ACACA: variants seen among roughly 807,000 people sequenced by gnomAD.
ACACA encodes the protein acetyl-CoA carboxylase alpha.
In ACACA, 103 loss-of-function variants were observed where a neutral mutation model predicts 296.1. The ratio of observed to expected loss-of-function variants is 0.35; its 90% confidence interval spans 0.30 to 0.41. The LOEUF (loss-of-function observed/expected upper bound fraction) is 0.41. Ranked by LOEUF, ACACA falls within the 10% of genes least tolerant of loss-of-function variation. The probability of loss-of-function intolerance (pLI) is 1.00; values close to 1 mark genes in which losing one functional copy is unlikely to be tolerated. For missense variants in ACACA, 1,554 were observed against 2,989.7 expected (o/e 0.52, Z 11.20); for synonymous variants, 953 against 1,038.6 (o/e 0.92, Z 1.58).
At position 37,406,181 on chromosome 17, in the gene ACACA, T is replaced by C. The variant is rs1369328932; in HGVS notation, c.38+81A>G. On this transcript the variant is annotated intron_variant, in intron 1 of 55. Coordinates refer to ENST00000616317, the MANE Select transcript of ACACA (RefSeq NM_198834.3). ...TATGTGTAACCTGCTTTGTGCAATG[T>C]CTGGCATGCAATAAGTACTCGACAA... 4 of 1,497,268 alleles carry C rather than the reference T, an allele frequency of 2.7e-6. No homozygotes were observed. In the African/African-American group the frequency reaches 4.1e-5, roughly 15 times the overall value. 92.7% of individuals were successfully genotyped at this position (1,497,268 alleles called of 1,614,324 possible). A position where few individuals can be genotyped will look rare whatever the true frequency, so the allele number is the denominator to read the frequency against.
At chr17:37,266,456 G>C (rs2081781848) in intron 10 of ACACA, among the ~76,000 whole-genome samples, 1 of 149,192 alleles carries the variant, frequency 6.7e-6, no homozygotes, top group Admixed American at 6.7e-5. Flanking sequence ...CATGTTTCCA[G>C]CTGAAAGCAT....
intron 39 of ACACA, among the ~76,000 whole-genome samples, chr17:37,186,054 GAA>G (rs1403764686): frequency 4.6e-5 from 7 of 152,158 alleles, no homozygotes; most frequent in Non-Finnish European, 8.8e-5. Context: ...CTTATTGGCA[GAA>G]TGAATAAATG....
At chr17:37,109,753 G>A (rs1187211592) in intron 52 of ACACA, among the ~76,000 whole-genome samples, 2 of 152,190 alleles carry the variant, frequency 1.3e-5, no homozygotes, top group African/African-American at 2.4e-5. Flanking sequence ...AGAGAAAGAA[G>A]CTTTATCTCC....
At position 37,086,391 on chromosome 17, in the gene ACACA, T is replaced by G. The variant is rs2072201261; in HGVS notation, c.*925A>C. The G allele has an allele frequency of 6.6e-6, 1 of 152,262 alleles. No homozygotes were observed. The allele number at this position is 152,262 out of a possible 1,614,324, so 9.4% of individuals were successfully genotyped here. A position where few individuals can be genotyped will look rare whatever the true frequency, so the allele number is the denominator to read the frequency against. On this transcript the variant is annotated 3_prime_UTR_variant, in exon 56 of 56. Transcript: ENST00000616317. ...GTCCTCAAAACAAACAGACTATCTA[T>G]CTATCTCACTGGCTCTCCACATGGC... is the stretch of plus-strand genomic sequence containing the variant.
chr17:37,188,669 A>C (rs889698230), intron 38 of ACACA, among the ~76,000 whole-genome samples, 189 bp from the exon 39 acceptor site: 1 of 152,108 alleles, frequency 6.6e-6, no homozygotes, highest in South Asian at 2.1e-4. Context: ...GTCAGGGACA[A>C]TTTCATGCTG....
intron 1 of ACACA, among the ~76,000 whole-genome samples, chr17:37,404,684 C>A (rs867119818): frequency 6.6e-6 from 1 of 151,062 alleles, no homozygotes; most frequent in Non-Finnish European, 1.5e-5. Context: ...AAGTGATTCT[C>A]CTACCTCAGC....
chr17:37,263,570 T>G (rs954268843), intron 11 of ACACA, 115 bp downstream of exon 11: 1 of 917,990 alleles, frequency 1.1e-6, no homozygotes, highest in Non-Finnish European at 1.7e-6. Flanking sequence ...GGATATAATT[T>G]TATTAATTAT....
intron 1 of ACACA, chr17:37,376,031 C>A: frequency 7.1e-7 from 1 of 1,411,926 alleles, no homozygotes; most frequent in Non-Finnish European, 1.0e-6. Context: ...AGAGGCAGAG[C>A]TATCAAGGGC....
At chr17:37,096,442 C>T (rs2072997935) in intron 54 of ACACA, among the ~76,000 whole-genome samples, 1 of 152,156 alleles carries the variant, frequency 6.6e-6, no homozygotes, top group Non-Finnish European at 1.5e-5. Flanking sequence ...GAACATTCCT[C>T]CTAAGCCCTG....
At chr17:37,273,699 G>T (rs549857430) in intron 9 of ACACA, among the ~76,000 whole-genome samples, 251 of 152,320 alleles carry the variant, frequency 1.6e-3, no homozygotes, top group Non-Finnish European at 3.2e-3. Context: ...CTTAACTCTG[G>T]TGTTTAGTTT....
At chr17:37,265,390 A>T (rs2081715125) in intron 10 of ACACA, among the ~76,000 whole-genome samples, 1 of 152,130 alleles carries the variant, frequency 6.6e-6, no homozygotes, top group Non-Finnish European at 1.5e-5. Flanking sequence ...CAAGACCCCC[A>T]AAGTCTCATC....
intron 45 of ACACA, among the ~76,000 whole-genome samples, chr17:37,131,539 G>A (rs1483066289): frequency 1.3e-5 from 2 of 152,014 alleles, no homozygotes; most frequent in East Asian, 3.9e-4. Flanking sequence ...AATTTCTTCC[G>A]TACGTGTATT....
chr17:37,192,324 G>GA lies in ACACA; in HGVS notation c.4201-20dup, dbSNP rs756186747. 2 of 1,609,978 alleles carry GA rather than the reference G, an allele frequency of 1.2e-6. No individual in the cohort carries two copies. The highest frequency in any genetic ancestry group is 2.2e-5 in the East Asian group (1 of 44,834). On this transcript the variant is annotated intron_variant, in intron 36 of 55. Transcript: ENST00000616317. ...CCTCAAACTGAGTACAAGAATCAGA[G>GA]AAAAAACAGCTCACAAGAGGCAGTT...
At chr17:37,127,842 CAAAAAAAAAAAAAAGAAAAA>C (rs1218273615) in intron 47 of ACACA, among the ~76,000 whole-genome samples, 1 of 44,452 alleles carries the variant, frequency 2.2e-5, no homozygotes, top group East Asian at 6.3e-4. Flanking sequence ...GACTCCGCCT[CAAAAAAAAAAAAAAGAAAAA>C]GAAAAAAAAA....
intron 6 of ACACA, 30 bp from the exon 7 acceptor site, chr17:37,277,144 T>G (rs1052867538): frequency 6.3e-7 from 1 of 1,589,892 alleles, no homozygotes; most frequent in African/African-American, 1.3e-5. Context: ...AATTCATTCT[T>G]AAAATTCATA....
chr17:37,257,648 T>G (rs1014486269), intron 14 of ACACA, 55 bp downstream of exon 14: 26 of 1,580,472 alleles, frequency 1.6e-5, no homozygotes, highest in Middle Eastern at 3.3e-4. Context: ...ACACCTTCAC[T>G]TAAGATTAGC....
intron 41 of ACACA, among the ~76,000 whole-genome samples, chr17:37,174,010 A>ATTTT (rs1373844954): frequency 8.2e-5 from 1 of 12,178 alleles, no homozygotes. Flanking sequence ...ATATATATAT[A>ATTTT]TATATATATA....
At chr17:37,091,732 A>C (rs530874737) in intron 54 of ACACA, among the ~76,000 whole-genome samples, 1 of 151,900 alleles carries the variant, frequency 6.6e-6, no homozygotes, top group African/African-American at 2.4e-5. Context: ...GGCATGCCCC[A>C]CCATGCCTGG....
intron 9 of ACACA, among the ~76,000 whole-genome samples, chr17:37,273,620 T>G (rs2082156851): frequency 6.6e-6 from 1 of 152,120 alleles, no homozygotes; most frequent in Non-Finnish European, 1.5e-5. Context: ...TGAATTAAGC[T>G]CTCTCTCTCT....
Sources: allele counts gnomAD v4.1 joint callset (sites outside exome capture counted in the v4.1 genomes callset), GRCh38; gene constraint gnomAD v4.1.1; transcripts MANE v1.5; gene names NCBI Gene and HGNC (gene_info 2026-07-23, HGNC 2026-07-21).